ZNF620: variants seen among roughly 807,000 people sequenced by gnomAD.
ZNF620 encodes zinc finger protein 620.
Under a neutral mutation model 13.3 loss-of-function variants are expected in ZNF620, and 10 were observed. The ratio of observed to expected loss-of-function variants is 0.75; its 90% CI spans 0.46 to 1.28. The LOEUF is 1.28. Among genes scored for constraint, ZNF620 ranks in the 50% most tolerant of loss-of-function variants. The probability of loss-of-function intolerance (pLI) is 0.00; values close to 1 mark genes in which losing one functional copy is unlikely to be tolerated. For missense variants in ZNF620, 461 were observed against 500.2 expected (o/e 0.92, Z 0.75); for synonymous variants, 166 against 177.6 (o/e 0.93, Z 0.52).
chr3:40,508,293 T>C (rs1483310124), intron 2 of ZNF620, among the ~76,000 whole-genome samples: 1 of 152,120 alleles, frequency 6.6e-6, no homozygotes, highest in Admixed American at 6.5e-5. Flanking sequence ...TTGAGATCTT[T>C]CTTTTTTTTT....
intron 4 of ZNF620, among the ~76,000 whole-genome samples, chr3:40,513,004 A>C (rs996720955): frequency 1.3e-5 from 2 of 152,178 alleles, no homozygotes; most frequent in Non-Finnish European, 2.9e-5. Flanking sequence ...ATATGCAAAC[A>C]CCAGCATAAT....
In ZNF620 at chr3:40,516,563, C is replaced by T. The variant is rs1184213081; in HGVS notation, c.969C>T (p.Phe323=). 6.2e-7 allele frequency: 1 copy of T among 1,614,048 alleles called. No individual in the cohort carries two copies. Among genetic ancestry groups the T allele is most frequent in the Non-Finnish European group, 8.5e-7 (1 of 1,180,050 alleles). ...CWKTFSCSSS[F]TVHQRMHTGE... ...AAACTTTCAGTTGCAGCTCAAGTTT[C>T]ACTGTCCATCAGCGAATGCACACTG... Residue 323 remains phenylalanine, a synonymous_variant, in exon 5 of 5, where the codon TTC becomes TTT. Coordinates refer to ENST00000314529, the MANE Select transcript of ZNF620 (RefSeq NM_175888.4).
intron 2 of ZNF620, among the ~76,000 whole-genome samples, chr3:40,507,431 A>C (rs1327207266): frequency 6.6e-6 from 1 of 152,124 alleles, no homozygotes; most frequent in East Asian, 1.9e-4. Context: ...TTTCTTTCAA[A>C]TATTAAACCA....
intron 2 of ZNF620, 70 bp downstream of exon 2, chr3:40,506,446 TC>T (rs1698021832): frequency 6.8e-7 from 1 of 1,473,368 alleles, no homozygotes; most frequent in Non-Finnish European, 9.2e-7. Flanking sequence ...ACCTCTGCAT[TC>T]AGATCTTGAG....
Position 40,516,685 on chromosome 3 carries a change from TTGAA to T in ZNF620, c.1094_1097del (p.Glu365ValfsTer12). The T allele has an allele frequency of 1.9e-6, 3 of 1,614,052 alleles. No individual in the cohort carries two copies. Among genetic ancestry groups the T allele is most frequent in the Non-Finnish European group, 1.7e-6 (2 of 1,179,988 alleles). The stretch of plus-strand genomic sequence containing the variant: ...CGAATTCACACTGGGGAGAAGCCCT[TTGAA>T]TGTAAGGAGTGTGGGAAGGCATTCA... On this transcript the variant is annotated frameshift_variant, in exon 5 of 5. Transcript: ENST00000314529. LOFTEE classifies it low-confidence loss of function (END_TRUNC).
intron 4 of ZNF620, among the ~76,000 whole-genome samples, chr3:40,514,508 C>T (rs927592773): frequency 4.6e-5 from 7 of 152,166 alleles, no homozygotes; most frequent in African/African-American, 1.7e-4. Context: ...TTTCTACCAT[C>T]TCTCGTCTCT....
At position 40,512,457 on chromosome 3, in the gene ZNF620, A is replaced by G. The variant is rs375593478; in HGVS notation, c.207A>G (p.Pro69=). ...CCCAGCTGGAGCAAGGGGAACTGCC[A>G]TGGGGCCTCGATCCCTGGGAACCTA... The part of the protein sequence containing the change: ...LVSQLEQGEL[P]WGLDPWEPMG... The change falls in exon 4 of 5, where the codon CCA becomes CCG. Residue 69 remains proline (P), a synonymous_variant. Coordinates refer to ENST00000314529, the MANE Select transcript of ZNF620 (RefSeq NM_175888.4). The G allele has an allele frequency of 1.2e-6, 2 of 1,614,232 alleles. No individual in the cohort carries two copies. The highest frequency in any genetic ancestry group is 1.7e-6 in the Non-Finnish European group (2 of 1,180,034).
Position 40,517,981 on chromosome 3 carries a change from CTG to C in ZNF620, c.*1121_*1122del, listed in dbSNP as rs1698440200. The stretch of plus-strand genomic sequence containing the variant: ...TTTGTCTTCACTAGACAGTTGTACT[CTG>C]TGCCTTTGCAAAAGTCAGGATGTAT... On this transcript the variant is annotated 3_prime_UTR_variant, in exon 5 of 5. Coordinates refer to ENST00000314529, the MANE Select transcript of ZNF620 (RefSeq NM_175888.4). 1 of 152,250 alleles carries C rather than the reference CTG, an allele frequency of 6.6e-6. No homozygotes were observed. The highest frequency in any genetic ancestry group is 1.5e-5 in the Non-Finnish European group (1 of 68,046). 9.4% of individuals were successfully genotyped at this position (152,250 alleles called of 1,614,324 possible).
At position 40,516,017 on chromosome 3, in the gene ZNF620, A is replaced by G. The variant is rs1575295213; in HGVS notation, c.423A>G (p.Ile141Met). ...TAGAGCAGCCACAAGGTCATTGGAT[A>G]ATTAAGACAAAGTCAAAGAGGAGAC... ...SSLEQPQGHW[I>M]IKTKSKRRHF... The change falls in exon 5 of 5, where the codon ATA (isoleucine) becomes ATG (methionine). Residue 141 changes from isoleucine (I) to methionine (M), a missense_variant. Transcript: ENST00000314529. 3.1e-6 allele frequency: 5 copies of G among 1,614,074 alleles called. No homozygotes were observed. In the African/African-American group the frequency reaches 4.0e-5, roughly 13 times the overall value.
chr3:40,506,485 C>CATCT, intron 2 of ZNF620, 109 bp downstream of exon 2: 1 of 1,213,902 alleles, frequency 8.2e-7, no homozygotes, highest in Non-Finnish European at 1.2e-6. Context: ...TTCCATTGTG[C>CATCT]ATCTGTCACT....
rs1316789593 is a variant in ZNF620, at chr3:40,506,310, T to TTCTC, written c.-42_-39dup. On this transcript the variant is annotated 5_prime_UTR_variant, in exon 2 of 5. Coordinates refer to ENST00000314529, the MANE Select transcript of ZNF620 (RefSeq NM_175888.4). ...TTCTTTATTTTCTCTTCAGTTTCAC[T>TTCTC]TCTCCGAACCCTGAGGCAGTGTGTG... The TTCTC allele has an allele frequency of 6.2e-7, 1 of 1,613,752 alleles. No homozygotes were observed. The highest frequency in any genetic ancestry group is 8.5e-7 in the Non-Finnish European group (1 of 1,179,960).
At chr3:40,515,780 T>TTGTGTGTGTGTG (rs10550548) in intron 4 of ZNF620, 80 bp from the exon 5 acceptor site, 329 of 941,084 alleles carry the variant, frequency 3.5e-4, no homozygotes, top group South Asian at 6.8e-4. Flanking sequence ...AGCACAGATA[T>TTGTGTGTGTGTG]TGTGTGTGTG....
intron 2 of ZNF620, among the ~76,000 whole-genome samples, chr3:40,508,088 C>T (rs1272846061): frequency 1.3e-5 from 2 of 152,022 alleles, no homozygotes; most frequent in Non-Finnish European, 2.9e-5. Context: ...TGTGTATTCT[C>T]TCTTTTTTTC....
chr3:40,506,745 A>G (rs1698033672), intron 2 of ZNF620, among the ~76,000 whole-genome samples: 1 of 152,214 alleles, frequency 6.6e-6, no homozygotes, highest in Non-Finnish European at 1.5e-5. Flanking sequence ...TACATAGGTC[A>G]TCTATGAGTA....
intron 4 of ZNF620, among the ~76,000 whole-genome samples, chr3:40,513,282 T>G (rs1487624309): frequency 2.3e-5 from 3 of 129,072 alleles, no homozygotes; most frequent in African/African-American, 9.2e-5. Flanking sequence ...TTGGCCAACA[T>G]GACGAAACCC....
At chr3:40,511,672 G>A in intron 3 of ZNF620, 76 bp downstream of exon 3, 7 of 1,545,814 alleles carry the variant, frequency 4.5e-6, no homozygotes, top group Non-Finnish European at 6.1e-6. Flanking sequence ...ACTTTGTGGG[G>A]TTTTTTTCTT....
Position 40,506,098 on chromosome 3 carries a change from C to T in ZNF620, c.-90C>T, listed in dbSNP as rs1698006672. 1 of 578,090 alleles carries T rather than the reference C, an allele frequency of 1.7e-6. No homozygotes were observed. The highest frequency in any genetic ancestry group is 2.0e-5 in the South Asian group (1 of 50,568). 35.8% of individuals were successfully genotyped at this position (578,090 alleles called of 1,614,324 possible). On this transcript the variant is annotated 5_prime_UTR_variant, in exon 1 of 5. Transcript: ENST00000314529. ...CCACGCTTTATCTGCGCCTGCGCCG[C>T]GCGGGATTCGCGGTCCGAGCTGAAG...
chr3:40,507,029 T>G (rs536576870), intron 2 of ZNF620, among the ~76,000 whole-genome samples: 1 of 151,868 alleles, frequency 6.6e-6, no homozygotes, highest in Non-Finnish European at 1.5e-5. Flanking sequence ...AGAGTTTTTA[T>G]AGGAATGGAT....
At chr3:40,511,748 C>A in intron 3 of ZNF620, 152 bp downstream of exon 3, 2 of 946,484 alleles carry the variant, frequency 2.1e-6, no homozygotes, top group Non-Finnish European at 3.0e-6. Flanking sequence ...ATGGCGCAAT[C>A]TCGGCTCACT....
Sources: allele counts gnomAD v4.1 joint callset (sites outside exome capture counted in the v4.1 genomes callset), GRCh38; gene constraint gnomAD v4.1.1; transcripts MANE v1.5; gene names NCBI Gene and HGNC (gene_info 2026-07-23, HGNC 2026-07-21).